STIM1: variants seen among roughly 807,000 people sequenced by gnomAD.
STIM1 encodes the protein stromal interaction molecule 1.
STIM1 carries 25 observed loss-of-function variants against 74.7 expected under a neutral mutation model. The observed-to-expected ratio is 0.33, with a 90% CI of 0.24 to 0.47. The LOEUF (loss-of-function observed/expected upper bound fraction) is 0.47. Among genes scored for constraint, STIM1 ranks in the 20% least tolerant of loss-of-function variants. STIM1 has a pLI of 1.00. For synonymous variants in STIM1, 328 were observed against 348.8 expected (o/e 0.94, Z 0.66); for missense variants, 728 against 920.8 (o/e 0.79, Z 2.71).
At chr11:4,080,160 C>T (rs1407979361) in intron 7 of STIM1, among the ~76,000 whole-genome samples, 1 of 152,114 alleles carries the variant, frequency 6.6e-6, no homozygotes, top group Admixed American at 6.6e-5. Context: ...GAGGGAGGAT[C>T]ACTTGAGCCC....
intron 5 of STIM1, among the ~76,000 whole-genome samples, chr11:4,061,960 A>G (rs11030780): frequency 0.055 from 8,436 of 152,186 alleles, 365 homozygotes; most frequent in Non-Finnish European, 0.083. Flanking sequence ...AATGTAGACT[A>G]ATGGTTGGCA....
At chr11:3,895,699 T>TATAC (rs2092091905) in intron 1 of STIM1, among the ~76,000 whole-genome samples, 1 of 32,114 alleles carries the variant, frequency 3.1e-5, no homozygotes. Flanking sequence ...TCTTTCTTTC[T>TATAC]TTCTTTCTTT....
intron 3 of STIM1, among the ~76,000 whole-genome samples, chr11:4,046,242 G>C (rs2094192848): frequency 6.6e-6 from 1 of 151,468 alleles, no homozygotes; most frequent in South Asian, 2.1e-4. Context: ...TTTAACCCCA[G>C]CTCTGTCATC....
chr11:3,910,151 C>G (rs16929653), intron 1 of STIM1, among the ~76,000 whole-genome samples: 10,290 of 152,220 alleles, frequency 0.068, 549 homozygotes, highest in East Asian at 0.18. Context: ...CCTTGTCTAT[C>G]TGTTAAGGAT....
At chr11:4,014,439 T>C (rs560524492) in intron 2 of STIM1, among the ~76,000 whole-genome samples, 2 of 152,348 alleles carry the variant, frequency 1.3e-5, no homozygotes, top group South Asian at 4.1e-4. Flanking sequence ...TTCTGTTCTT[T>C]TACATTTGCT....
intron 5 of STIM1, among the ~76,000 whole-genome samples, chr11:4,059,747 G>C (rs2094317714): frequency 6.6e-6 from 1 of 152,118 alleles, no homozygotes; most frequent in African/African-American, 2.4e-5. Flanking sequence ...GTATCCTATA[G>C]ACAAGGTGAC....
At chr11:3,943,623 C>T (rs1018239543) in intron 1 of STIM1, among the ~76,000 whole-genome samples, 9 of 152,118 alleles carry the variant, frequency 5.9e-5, no homozygotes, top group Non-Finnish European at 8.8e-5. Flanking sequence ...TCTTCTAGGT[C>T]GGGTGCAGTG....
At chr11:3,991,169 CTTTTTTT>C (rs1246143538) in intron 2 of STIM1, among the ~76,000 whole-genome samples, 1 of 124,234 alleles carries the variant, frequency 8.0e-6, no homozygotes, top group African/African-American at 3.0e-5. Context: ...TCTTTCCTTT[CTTTTTTT>C]TTTTTTTTTT....
chr11:3,983,154 C>G lies in STIM1; in HGVS notation c.270+15472C>G, dbSNP rs142562120. The stretch of plus-strand genomic sequence containing the variant: ...TCTCTGTGTTGGCCAGGCTGGTCTC[C>G]AACTCCTGGTTTCCAGTAATCGGCC... On this transcript the variant is annotated intron_variant, in intron 2 of 12. Transcript: ENST00000526596. Among the ~76,000 whole-genome samples, 327 of 152,196 alleles carry G rather than the reference C, an allele frequency of 2.1e-3. 1 individual carries two copies. Among genetic ancestry groups the G allele is most frequent in the African/African-American group, 7.4e-3 (306 of 41,532 alleles).
intron 1 of STIM1, among the ~76,000 whole-genome samples, chr11:3,889,490 C>G (rs2091833955): frequency 6.6e-6 from 1 of 151,876 alleles, no homozygotes; most frequent in South Asian, 2.1e-4. Flanking sequence ...ACCTCAGCCT[C>G]CAGAGTAGCT....
At chr11:3,970,118 A>G (rs1205981222) in intron 2 of STIM1, among the ~76,000 whole-genome samples, 1 of 147,270 alleles carries the variant, frequency 6.8e-6, no homozygotes, top group African/African-American at 2.5e-5. Context: ...TGCTTTGTCA[A>G]TGAGGGGAGG....
rs185027131 is a variant in STIM1 at position 4,029,513 on chromosome 11, T to G, written c.385+5526T>G. ...GATGTGCACTTTAGGTGAATTGGTGTGTCTAAATGGTCCCAATCTGAGTGA... is the reference window on the plus strand; with the variant it reads ...GATGTGCACTTTAGGTGAATTGGTGGGTCTAAATGGTCCCAATCTGAGTGA... On this transcript the variant is annotated intron_variant, in intron 3 of 12. Coordinates refer to ENST00000526596, the MANE Select transcript of STIM1 (RefSeq NM_001382567.1). 2.6e-4 allele frequency among the ~76,000 whole-genome samples: 39 copies of G among 148,040 alleles called. 1 individual carries two copies. The highest frequency in any genetic ancestry group is 9.3e-4 in the African/African-American group (37 of 39,976).
Position 4,033,537 on chromosome 11 carries a change from A to G in STIM1, c.385+9550A>G, listed in dbSNP as rs138195303. ...TTTTTCTTGCCTGATTGCCTTGGAT[A>G]GTATTTCTAGTACAGTGTTGAAGAG... On this transcript the variant is annotated intron_variant, in intron 3 of 12. Transcript: ENST00000526596. 2.7e-3 allele frequency among the ~76,000 whole-genome samples: 415 copies of G among 151,282 alleles called. 4 individuals are homozygous for G. The highest frequency in any genetic ancestry group is 9.2e-3 in the African/African-American group (378 of 41,224).
intron 12 of STIM1, chr11:4,086,951 C>T: frequency 1.4e-6 from 2 of 1,461,034 alleles, no homozygotes; most frequent in Non-Finnish European, 1.8e-6. Flanking sequence ...GCTTGATCAA[C>T]TCTGGGGGTG....
intron 2 of STIM1, among the ~76,000 whole-genome samples, chr11:4,019,775 A>G (rs1052535638): frequency 3.9e-5 from 6 of 152,216 alleles, no homozygotes; most frequent in Non-Finnish European, 8.8e-5. Context: ...CATCTCAAAC[A>G]TATATCATTT....
intron 2 of STIM1, among the ~76,000 whole-genome samples, chr11:3,987,463 G>C (rs932363747): frequency 6.6e-6 from 1 of 152,176 alleles, no homozygotes. Flanking sequence ...GTCTCAGGCA[G>C]TATGGGGATG....
chr11:3,948,163 A>C (rs1443477658), intron 1 of STIM1, among the ~76,000 whole-genome samples: 1 of 152,152 alleles, frequency 6.6e-6, no homozygotes, highest in Non-Finnish European at 1.5e-5. Flanking sequence ...GGAGTAGTTA[A>C]AGAAGGCATC....
intron 2 of STIM1, among the ~76,000 whole-genome samples, chr11:4,011,271 C>T (rs2093833503): frequency 6.6e-6 from 1 of 152,150 alleles, no homozygotes; most frequent in South Asian, 2.1e-4. Flanking sequence ...ATTTCTAGTT[C>T]TAGATCCTTG....
intron 1 of STIM1, among the ~76,000 whole-genome samples, chr11:3,948,432 A>T (rs1479456818): frequency 2.6e-5 from 4 of 152,142 alleles, no homozygotes; most frequent in African/African-American, 9.7e-5. Flanking sequence ...AGCTAGTTTT[A>T]CTTGAATCTG....
Sources: allele counts gnomAD v4.1 joint callset (sites outside exome capture counted in the v4.1 genomes callset), GRCh38; gene constraint gnomAD v4.1.1; transcripts MANE v1.5; gene names NCBI Gene and HGNC (gene_info 2026-07-23, HGNC 2026-07-21).